Variants in TUBB4B observed in about 807,000 individuals in gnomAD.
TUBB4B encodes the protein tubulin beta-4B chain.
A neutral mutation model predicts 34.3 loss-of-function variants in TUBB4B; 7 were observed. That is an observed-to-expected ratio of 0.20 (90% CI 0.12 to 0.38). TUBB4B has a LOEUF of 0.38. Among genes scored for constraint, TUBB4B ranks in the 10% least tolerant of loss-of-function variants. The probability of loss-of-function intolerance (pLI) is 1.00; values close to 1 mark genes in which losing one functional copy is unlikely to be tolerated. For synonymous variants in TUBB4B, 390 were observed against 250.2 expected, an observed-to-expected ratio of 1.56 and a Z score of -5.27; for missense variants, 178 against 610.9, an observed-to-expected ratio of 0.29 and a Z score of 7.47.
At position 137,241,432 on chromosome 9, in the gene TUBB4B, C is replaced by G; in HGVS notation, c.57+15C>G. Reference sequence around the variant, plus strand: ...TCGGCGCCAAGGTAAGTTGCCGGGGCGCTGGGGCCAGGCGGGCCTGCCGGG... The same window carrying G: ...TCGGCGCCAAGGTAAGTTGCCGGGGGGCTGGGGCCAGGCGGGCCTGCCGGG... On this transcript the variant is annotated intron_variant, in intron 1 of 3. Transcript: ENST00000340384. 1.3e-6 allele frequency: 2 copies of G among 1,578,356 alleles called. No homozygotes were observed. The highest frequency in any genetic ancestry group is 1.7e-6 in the Non-Finnish European group (2 of 1,165,360).
In TUBB4B at chr9:137,241,690, GCCCGCCCGGGCCCGCCCGCGT is replaced by G; in HGVS notation, c.58-27_58-7del. On this transcript the variant is annotated splice_polypyrimidine_tract_variant and intron_variant, in intron 1 of 3. Coordinates refer to ENST00000340384, the MANE Select transcript of TUBB4B (RefSeq NM_006088.6). ...CACCGGCCGCGGTGACTCAGCCCCG[GCCCGCCCGGGCCCGCCCGCGT>G]CCCTTGTAGTTTTGGGAGGTGATCA... The G allele has an allele frequency of 6.3e-7, 1 of 1,589,740 alleles. No individual in the cohort carries two copies. The highest frequency in any genetic ancestry group is 8.6e-7 in the Non-Finnish European group (1 of 1,166,788).
intron 3 of TUBB4B, 74 bp from the exon 4 acceptor site, chr9:137,242,422 G>T (rs541744536): frequency 1.3e-6 from 2 of 1,541,782 alleles, no homozygotes; most frequent in East Asian, 4.5e-5. Context: ...CATGTCACTC[G>T]GCTTTTTTCG....
rs1588859995 is a variant in TUBB4B, at chr9:137,243,648, C to T, written c.*92C>T. ...TGGCCTGTCCCACTGTGTGCACTTG[C>T]TGTTTTCCCTGTCCACATCCATGCT... is the stretch of plus-strand genomic sequence containing the variant. On this transcript the variant is annotated 3_prime_UTR_variant, in exon 4 of 4. Transcript: ENST00000340384. 7 of 1,613,898 alleles carry T rather than the reference C, an allele frequency of 4.3e-6. No individual in the cohort carries two copies. The highest frequency in any genetic ancestry group is 1.1e-5 in the South Asian group (1 of 91,084).
Position 137,243,074 on chromosome 9 carries a change from G to A in TUBB4B, c.856G>A (p.Val286Met). The A allele has an allele frequency of 2.5e-6, 4 of 1,613,002 alleles. No homozygotes were observed. Among genetic ancestry groups the A allele is most frequent in the Non-Finnish European group, 3.4e-6 (4 of 1,180,038 alleles). ...CAGCCAGCAGTACCGGGCGCTGACC[G>A]TGCCCGAGCTCACCCAGCAGATGTT... is the stretch of plus-strand genomic sequence containing the variant. ...RGSQQYRALT[V>M]PELTQQMFDA... Residue 286 changes from valine (V) to methionine (M), a missense_variant, in exon 4 of 4, where the codon GTG (valine) becomes ATG (methionine). Coordinates refer to ENST00000340384, the MANE Select transcript of TUBB4B (RefSeq NM_006088.6).
intron 3 of TUBB4B, 78 bp from the exon 4 acceptor site, chr9:137,242,418 A>T: frequency 6.5e-7 from 1 of 1,528,318 alleles, no homozygotes; most frequent in African/African-American, 1.4e-5. Context: ...ACACCATGTC[A>T]CTCGGCTTTT....
At chr9:137,241,457 G>C in intron 1 of TUBB4B, 40 bp downstream of exon 1, 1 of 1,477,372 alleles carries the variant, frequency 6.8e-7, no homozygotes, top group South Asian at 1.3e-5. Flanking sequence ...GGCCTGCCGG[G>C]CGGTGTGGGC....
In TUBB4B at chr9:137,241,419, T is replaced by C; in HGVS notation, c.57+2T>C. ...TGCGGCAACCAAATCGGCGCCAAGG[T>C]AAGTTGCCGGGGCGCTGGGGCCAGG... On this transcript the variant is annotated splice_donor_variant, in intron 1 of 3. Transcript: ENST00000340384. LOFTEE classifies it high-confidence loss of function. 6.3e-7 allele frequency: 1 copy of C among 1,587,268 alleles called. No homozygotes were observed. Among genetic ancestry groups the C allele is most frequent in the Non-Finnish European group, 8.6e-7 (1 of 1,169,504 alleles).
chr9:137,243,656 C>T lies in TUBB4B; in HGVS notation c.*100C>T, dbSNP rs752790031. The T allele has an allele frequency of 5.6e-6, 9 of 1,614,062 alleles. No homozygotes were observed. Among genetic ancestry groups the T allele is most frequent in the South Asian group, 2.2e-5 (2 of 91,072 alleles). On this transcript the variant is annotated 3_prime_UTR_variant, in exon 4 of 4. Transcript: ENST00000340384. Reference sequence around the variant, plus strand: ...CCCACTGTGTGCACTTGCTGTTTTCCCTGTCCACATCCATGCTGTACAGAC... The same window carrying T: ...CCCACTGTGTGCACTTGCTGTTTTCTCTGTCCACATCCATGCTGTACAGAC...
At position 137,242,932 on chromosome 9, in the gene TUBB4B, C is replaced by T. The variant is rs1836788071; in HGVS notation, c.714C>T (p.Thr238=). 1.9e-6 allele frequency: 3 copies of T among 1,613,228 alleles called. No homozygotes were observed. Among genetic ancestry groups the T allele is most frequent in the Non-Finnish European group, 2.5e-6 (3 of 1,180,038 alleles). ...LVSATMSGVT[T]CLRFPGQLNA... is the part of the protein sequence containing the mutation. ...CTGCTACCATGAGTGGGGTCACCAC[C>T]TGCCTGCGCTTCCCAGGCCAGCTCA... The change falls in exon 4 of 4, where the codon ACC becomes ACT. Residue 238 remains threonine (T), a synonymous_variant. Coordinates refer to ENST00000340384, the MANE Select transcript of TUBB4B (RefSeq NM_006088.6).
In TUBB4B at chr9:137,241,476, G is replaced by A. The variant is rs1836738586; in HGVS notation, c.57+59G>A. 4 of 1,336,996 alleles carry A rather than the reference G, an allele frequency of 3.0e-6. No individual in the cohort carries two copies. In the Admixed American group the frequency reaches 9.5e-5, roughly 32 times the overall value. 82.8% of individuals were successfully genotyped at this position (1,336,996 alleles called of 1,614,324 possible). On this transcript the variant is annotated intron_variant, in intron 1 of 3. Coordinates refer to ENST00000340384, the MANE Select transcript of TUBB4B (RefSeq NM_006088.6). ...TGCCGGGCGGTGTGGGCGGGCGGCC[G>A]GGGAAGATGGCGGCAGCAGCGGCCG... is the stretch of plus-strand genomic sequence containing the variant.
Position 137,241,921 on chromosome 9 carries a change from C to T in TUBB4B, c.177C>T (p.Tyr59=), listed in dbSNP as rs199634035. ...CTCCCGTCCCCGCAGGCGGCAAGTA[C>T]GTGCCCCGCGCCGTGCTCGTGGATC... ...VYYNEATGGK[Y]VPRAVLVDLE... Residue 59 remains tyrosine (Y), a synonymous_variant, in exon 3 of 4, where the codon TAC becomes TAT. Transcript: ENST00000340384. 7.1e-5 allele frequency: 114 copies of T among 1,611,420 alleles called. No individual in the cohort carries two copies. The East Asian group carries it at 2.3e-3, about 32-fold the overall frequency.
intron 3 of TUBB4B, chr9:137,242,254 C>T (rs565932024): frequency 5.6e-5 from 37 of 664,246 alleles, no homozygotes; most frequent in Admixed American, 1.2e-4. Context: ...GGCTGTTCCT[C>T]TGTCCTTGGG....
At chr9:137,241,595 G>A in intron 1 of TUBB4B, 126 bp from the exon 2 acceptor site, 1 of 752,002 alleles carries the variant, frequency 1.3e-6, no homozygotes, top group Non-Finnish European at 1.6e-6. Flanking sequence ...CGGCCAGGGC[G>A]CGCGGGGCGG....
Position 137,242,920 on chromosome 9 carries a change from T to C in TUBB4B, c.702T>C (p.Ser234=), listed in dbSNP as rs763227744. 6.2e-7 allele frequency: 1 copy of C among 1,612,708 alleles called. No homozygotes were observed. Among genetic ancestry groups the C allele is most frequent in the Non-Finnish European group, 8.5e-7 (1 of 1,180,000 alleles). The change falls in exon 4 of 4, where the codon AGT becomes AGC. Residue 234 remains serine (S), a synonymous_variant. Transcript: ENST00000340384. Reference sequence around the variant, plus strand: ...ACCACCTGGTGTCTGCTACCATGAGTGGGGTCACCACCTGCCTGCGCTTCC... The same window carrying C: ...ACCACCTGGTGTCTGCTACCATGAGCGGGGTCACCACCTGCCTGCGCTTCC... ...DLNHLVSATM[S]GVTTCLRFPG...
At position 137,241,786 on chromosome 9, in the gene TUBB4B, C is replaced by G; in HGVS notation, c.123C>G (p.Asp41Glu). The change falls in exon 2 of 4, where the codon GAC becomes GAG. Residue 41 changes from aspartate to glutamate, a missense_variant. Physicochemically the swap from Asp to Glu is conservative, Grantham distance 45. Coordinates refer to ENST00000340384, the MANE Select transcript of TUBB4B (RefSeq NM_006088.6). Reference sequence around the variant, plus strand: ...CGGGCACCTACCACGGGGACAGCGACCTGCAGCTGGAACGCATCAACGTGT... The same window carrying G: ...CGGGCACCTACCACGGGGACAGCGAGCTGCAGCTGGAACGCATCAACGTGT... ...DPTGTYHGDS[D>E]LQLERINVYY... 6.2e-7 allele frequency: 1 copy of G among 1,612,352 alleles called. No homozygotes were observed. The highest frequency in any genetic ancestry group is 8.5e-7 in the Non-Finnish European group (1 of 1,179,616).
At chr9:137,242,309 G>C in intron 3 of TUBB4B, 187 bp from the exon 4 acceptor site, 2 of 758,170 alleles carry the variant, frequency 2.6e-6, no homozygotes, top group South Asian at 3.8e-5. Flanking sequence ...AAGCTGTCAG[G>C]TTTGGCCCCT....
At chr9:137,241,601 G>A in intron 1 of TUBB4B, 120 bp from the exon 2 acceptor site, 1 of 749,952 alleles carries the variant, frequency 1.3e-6, no homozygotes, top group Non-Finnish European at 1.6e-6. Context: ...GGGCGCGCGG[G>A]GCGGGGGAGG....
In TUBB4B at chr9:137,243,597, T is replaced by A; in HGVS notation, c.*41T>A. On this transcript the variant is annotated 3_prime_UTR_variant, in exon 4 of 4. Transcript: ENST00000340384. ...GGGAAAGCAGGGAAGCAGTGTGAAC[T>A]CTTTATTCACTCCCAGCCTGTCCTG... is the stretch of plus-strand genomic sequence containing the variant. The A allele has an allele frequency of 6.2e-7, 1 of 1,613,294 alleles. No individual in the cohort carries two copies. Among genetic ancestry groups the A allele is most frequent in the Non-Finnish European group, 8.5e-7 (1 of 1,179,410 alleles).
In TUBB4B at chr9:137,243,560, C is replaced by T. The variant is rs762597920; in HGVS notation, c.*4C>T. On this transcript the variant is annotated 3_prime_UTR_variant, in exon 4 of 4. Transcript: ENST00000340384. ...GGCTGAGGAGGAGGTGGCCTAGAGC[C>T]TTCAGTCACTGGGGAAAGCAGGGAA... 92 of 1,613,620 alleles carry T rather than the reference C, an allele frequency of 5.7e-5. No homozygotes were observed. Among genetic ancestry groups the T allele is most frequent in the Non-Finnish European group, 7.6e-5 (90 of 1,179,774 alleles).
Sources: allele counts gnomAD v4.1 joint callset, GRCh38; gene constraint gnomAD v4.1.1; transcripts MANE v1.5; gene names NCBI Gene and HGNC (gene_info 2026-07-23, HGNC 2026-07-21).